Variants in ABLIM2 observed in about 807,000 individuals in gnomAD.
The protein encoded by ABLIM2 is actin binding LIM protein family member 2, also known as actin-binding LIM protein 2.
Under a neutral mutation model 97.7 loss-of-function variants are expected in ABLIM2, and 53 were observed. That is an observed-to-expected ratio of 0.54 (90% CI 0.44 to 0.68). The LOEUF is 0.68. Among genes scored for constraint, ABLIM2 ranks in the 30% least tolerant of loss-of-function variants. ABLIM2 has a pLI of 0.00. For synonymous variants in ABLIM2, 361 were observed against 345.8 expected, an observed-to-expected ratio of 1.04 and a Z score of -0.49; for missense variants, 835 against 867.2, an observed-to-expected ratio of 0.96 and a Z score of 0.47.
intron 14 of ABLIM2, among the ~76,000 whole-genome samples, chr4:8,014,117 C>CAG (rs1480010640): frequency 1.3e-5 from 2 of 152,244 alleles, no homozygotes; most frequent in African/African-American, 4.8e-5. Context: ...GCCTCCAGTG[C>CAG]AGAATCATTC....
Position 8,125,237 on chromosome 4 carries a change from C to G in ABLIM2, c.11-18600G>C, listed in dbSNP as rs947061024. The stretch of plus-strand genomic sequence containing the variant: ...TTTGATGAAATCCAGTCGTCTATAT[C>G]TTGTTATGACGGCTTGGGCTTTGGT... On this transcript the variant is annotated intron_variant, in intron 1 of 20. Coordinates refer to ENST00000447017, the MANE Select transcript of ABLIM2 (RefSeq NM_001130083.2). This position sits in a 1 kb window ranked among gnomAD's most constrained non-coding sequence, Gnocchi z 6.2. Among the ~76,000 whole-genome samples the G allele has an allele frequency of 6.6e-6, 1 of 152,206 alleles. No homozygotes were observed. Among genetic ancestry groups the G allele is most frequent in the African/African-American group, 2.4e-5 (1 of 41,458 alleles).
rs957308410 is a variant in ABLIM2, at chr4:8,075,487, G to A, written c.675+2141C>T. 6.6e-6 allele frequency among the ~76,000 whole-genome samples: 1 copy of A among 152,124 alleles called. No homozygotes were observed. The highest frequency in any genetic ancestry group is 1.5e-5 in the Non-Finnish European group (1 of 68,020). On this transcript the variant is annotated intron_variant, in intron 6 of 20. Coordinates refer to ENST00000447017, the MANE Select transcript of ABLIM2 (RefSeq NM_001130083.2). This position sits in a 1 kb window ranked among gnomAD's most constrained non-coding sequence, Gnocchi z 4.4. ...GCAGGTGAATTGCTTAAGTTCAGGA[G>A]CTCGAGACCAGCTTGGGTGACATAG...
intron 14 of ABLIM2, among the ~76,000 whole-genome samples, chr4:8,009,904 C>T (rs1317369): frequency 0.081 from 12,313 of 152,132 alleles, 581 homozygotes; most frequent in African/African-American, 0.13. Context: ...AGGTCACGGG[C>T]AAGTGGGCGG....
rs979209112 is a variant in ABLIM2, at chr4:7,965,666, C to T, written c.*1324G>A. 2 of 152,194 alleles carry T rather than the reference C, an allele frequency of 1.3e-5. No homozygotes were observed. Among genetic ancestry groups the T allele is most frequent in the Non-Finnish European group, 2.9e-5 (2 of 68,048 alleles). The allele number at this position is 152,194 out of a possible 1,614,324, so 9.4% of individuals were successfully genotyped here. On this transcript the variant is annotated 3_prime_UTR_variant, in exon 21 of 21. Transcript: ENST00000447017. The stretch of plus-strand genomic sequence containing the variant: ...GCGCTTATCAGCATCCTGTGACGGC[C>T]GGTGCTGCACCCTAACACACACCTA...
intron 8 of ABLIM2, among the ~76,000 whole-genome samples, chr4:8,049,919 G>C (rs1440834904): frequency 6.6e-6 from 1 of 152,048 alleles, no homozygotes; most frequent in Non-Finnish European, 1.5e-5. Context: ...GTAGAGAGCG[G>C]GTTTCACCAT....
intron 2 of ABLIM2, among the ~76,000 whole-genome samples, chr4:8,102,320 C>G (rs1345866238): frequency 6.6e-6 from 1 of 152,244 alleles, no homozygotes; most frequent in Non-Finnish European, 1.5e-5. Flanking sequence ...GTCACCTCCT[C>G]CGTGAGGCCC....
In ABLIM2 at chr4:8,021,467, G is replaced by A. The variant is rs1361246365; in HGVS notation, c.1268-1164C>T. ...GCCCCAGGAAGCCCCCTCAGCACTA[G>A]GCAATGGGCTGCAAGGGGTAAGGCG... On this transcript the variant is annotated intron_variant, in intron 12 of 20. Transcript: ENST00000447017. This position sits in a 1 kb window ranked among gnomAD's most constrained non-coding sequence, Gnocchi z 5.5. Among the ~76,000 whole-genome samples the A allele has an allele frequency of 1.3e-5, 2 of 152,236 alleles. No individual in the cohort carries two copies. Among genetic ancestry groups the A allele is most frequent in the African/African-American group, 4.8e-5 (2 of 41,476 alleles).
chr4:8,032,069 A>C lies in ABLIM2; in HGVS notation c.1048-2293T>G, dbSNP rs958220249. Among the ~76,000 whole-genome samples, 16 of 152,234 alleles carry C rather than the reference A, an allele frequency of 1.1e-4. 1 individual carries two copies. Among genetic ancestry groups the C allele is most frequent in the African/African-American group, 3.4e-4 (14 of 41,540 alleles). The stretch of plus-strand genomic sequence containing the variant: ...GGCATCAAGCACAGGGGAAGAGCTC[A>C]GGGCACGGTCACTGCCCAGGCTGTC... On this transcript the variant is annotated intron_variant, in intron 10 of 20. Transcript: ENST00000447017. The surrounding 1 kb of genome is among the most constrained non-coding windows in gnomAD (Gnocchi z 4.3).
rs756357730 is a variant in ABLIM2 at position 8,032,631 on chromosome 4, G to T, written c.1048-2855C>A. 1 of 1,612,398 alleles carries T rather than the reference G, an allele frequency of 6.2e-7. No homozygotes were observed. The highest frequency in any genetic ancestry group is 1.3e-5 in the African/African-American group (1 of 74,996). ...AGCGCCACGGCAAGCGGGGACAGGC[G>T]AGAGGGTGGTGGTTACCTCGGTCGG... On this transcript the variant is annotated intron_variant, in intron 10 of 20. Transcript: ENST00000447017. This position sits in a 1 kb window ranked among gnomAD's most constrained non-coding sequence, Gnocchi z 4.3.
At chr4:7,972,107 CAT>C (rs1454722414) in intron 20 of ABLIM2, among the ~76,000 whole-genome samples, 1 of 152,202 alleles carries the variant, frequency 6.6e-6, no homozygotes, top group Non-Finnish European at 1.5e-5. Flanking sequence ...ACATCACTGT[CAT>C]AATGACGGTG....
rs1008665610 is a variant in ABLIM2, at chr4:8,006,744, C to T, written c.1618+1315G>A. Among the ~76,000 whole-genome samples the T allele has an allele frequency of 6.6e-5, 10 of 152,300 alleles. 1 individual carries two copies. In the South Asian group the frequency reaches 8.3e-4, roughly 13 times the overall value. The stretch of plus-strand genomic sequence containing the variant: ...CGGAGGACTGGCATGCAGCTGCCCA[C>T]GGGGGCACAGGCAGGCGCGCGTGGA... On this transcript the variant is annotated intron_variant, in intron 16 of 20. Coordinates refer to ENST00000447017, the MANE Select transcript of ABLIM2 (RefSeq NM_001130083.2).
At position 8,044,438 on chromosome 4, in the gene ABLIM2, A is replaced by T. The variant is rs1187003112; in HGVS notation, c.900+726T>A. 6.6e-6 allele frequency among the ~76,000 whole-genome samples: 1 copy of T among 152,014 alleles called. No individual in the cohort carries two copies. The highest frequency in any genetic ancestry group is 1.5e-5 in the Non-Finnish European group (1 of 68,018). ...TAGCAAACATTAAATACAATATTAA[A>T]TATTAAATTTACATATACATATGTA... On this transcript the variant is annotated intron_variant, in intron 9 of 20. Coordinates refer to ENST00000447017, the MANE Select transcript of ABLIM2 (RefSeq NM_001130083.2). This position sits in a 1 kb window ranked among gnomAD's most constrained non-coding sequence, Gnocchi z 4.4.
chr4:8,121,647 G>C (rs983117878), intron 1 of ABLIM2, among the ~76,000 whole-genome samples: 4 of 152,192 alleles, frequency 2.6e-5, no homozygotes, highest in Non-Finnish European at 5.9e-5. Context: ...TGTCCCCCAG[G>C]GTCTCATTGC....
intron 14 of ABLIM2, among the ~76,000 whole-genome samples, chr4:8,013,957 A>G (rs1363560711): frequency 6.6e-6 from 1 of 152,176 alleles, no homozygotes; most frequent in Admixed American, 6.5e-5. Flanking sequence ...CGGCATCAAC[A>G]CACCGACAGC....
intron 17 of ABLIM2, among the ~76,000 whole-genome samples, chr4:7,991,975 T>C (rs1167026644): frequency 6.6e-6 from 1 of 152,056 alleles, no homozygotes; most frequent in African/African-American, 2.4e-5. Flanking sequence ...AGGGGGCCAG[T>C]TTTTTAGTGG....
At chr4:8,056,531 G>A (rs1007186006) in intron 7 of ABLIM2, among the ~76,000 whole-genome samples, 2 of 151,738 alleles carry the variant, frequency 1.3e-5, no homozygotes, top group Non-Finnish European at 1.5e-5. Context: ...AAACTCCTGG[G>A]CTCAAGCAAT....
At chr4:8,035,160 CTCAT>C (rs1171255214) in intron 10 of ABLIM2, among the ~76,000 whole-genome samples, 1 of 151,910 alleles carries the variant, frequency 6.6e-6, no homozygotes, top group Non-Finnish European at 1.5e-5. Context: ...ACTGGTCCCT[CTCAT>C]TGTCAGTGGG....
chr4:8,091,800 ATATAT>A (rs1828736864), intron 3 of ABLIM2, among the ~76,000 whole-genome samples: 1 of 83,536 alleles, frequency 1.2e-5, no homozygotes, highest in Non-Finnish European at 1.9e-5. Context: ...TATAGAATTA[ATATAT>A]TATATATTAT....
intron 20 of ABLIM2, among the ~76,000 whole-genome samples, chr4:7,977,931 T>C (rs1191376746): frequency 1.3e-5 from 2 of 152,100 alleles, no homozygotes; most frequent in Non-Finnish European, 1.5e-5. Flanking sequence ...GCCCTCTTGA[T>C]CCAAAATAGG....
Sources: gnomAD v4.1 joint callset for allele counts (sites outside exome capture counted in the v4.1 genomes callset) on GRCh38, gnomAD v4.1.1 for gene constraint, Gnocchi (gnomAD v3.1) non-coding constraint, MANE v1.5 for transcripts, NCBI Gene and HGNC (gene_info 2026-07-23, HGNC 2026-07-21) for gene names.